UNC5D: variants seen among roughly 807,000 people sequenced by gnomAD.
UNC5D encodes the protein unc-5 netrin receptor D.
Under a neutral mutation model 105.4 loss-of-function variants are expected in UNC5D, and 39 were observed. The observed-to-expected ratio is 0.37, with a 90% CI of 0.29 to 0.48. The LOEUF is 0.48. Ranked by LOEUF, UNC5D falls within the 20% of genes least tolerant of loss-of-function variation. The pLI is 0.98. For missense variants in UNC5D, 991 were observed against 1,202.4 expected (o/e 0.82, Z 2.60); for synonymous variants, 452 against 450.4 (o/e 1.00, Z -0.04).
intron 11 of UNC5D, among the ~76,000 whole-genome samples, chr8:35,740,118 C>A (rs1478168480): frequency 6.6e-6 from 1 of 152,152 alleles, no homozygotes; most frequent in Non-Finnish European, 1.5e-5. Context: ...CAGGAGACAG[C>A]CCCAGGGGGA....
At chr8:35,354,276 C>A (rs376272287) in intron 1 of UNC5D, among the ~76,000 whole-genome samples, 7 of 152,080 alleles carry the variant, frequency 4.6e-5, no homozygotes, top group African/African-American at 1.2e-4. Context: ...CCCCCCCTCT[C>A]TTGCTTTGTT....
At chr8:35,774,624 G>A (rs2131741389) in intron 16 of UNC5D, 147 bp downstream of exon 16, 1 of 1,128,386 alleles carries the variant, frequency 8.9e-7, no homozygotes, top group Admixed American at 2.6e-5. Flanking sequence ...CTAAGTAAGT[G>A]GGGAAAGAGC....
At chr8:35,580,469 C>A (rs181659562) in intron 3 of UNC5D, among the ~76,000 whole-genome samples, 1 of 151,596 alleles carries the variant, frequency 6.6e-6, no homozygotes, top group Admixed American at 6.6e-5. Flanking sequence ...AACAAAAAAA[C>A]AACCAGCAGA....
intron 4 of UNC5D, among the ~76,000 whole-genome samples, chr8:35,678,357 A>C (rs1825414815): frequency 6.6e-6 from 1 of 152,178 alleles, no homozygotes; most frequent in Non-Finnish European, 1.5e-5. Context: ...GTTTCAGATA[A>C]GCTTTGAATT....
chr8:35,546,723 T>C (rs948676093), intron 1 of UNC5D, among the ~76,000 whole-genome samples: 3 of 152,186 alleles, frequency 2.0e-5, no homozygotes, highest in African/African-American at 7.2e-5. Flanking sequence ...AAGATAGAAA[T>C]TGGTATAAGC....
At chr8:35,355,494 C>T (rs1040926348) in intron 1 of UNC5D, among the ~76,000 whole-genome samples, 10 of 152,082 alleles carry the variant, frequency 6.6e-5, no homozygotes, top group African/African-American at 2.4e-4. Context: ...ATCCTTTCTT[C>T]CATAGAAGCC....
intron 1 of UNC5D, among the ~76,000 whole-genome samples, chr8:35,537,176 C>T (rs994870495): frequency 5.1e-4 from 77 of 151,988 alleles, no homozygotes; most frequent in Non-Finnish European, 1.6e-4. Context: ...TATGAATAAA[C>T]AATTCAGAAG....
At chr8:35,700,952 A>G (rs548457143) in intron 7 of UNC5D, among the ~76,000 whole-genome samples, 1 of 152,362 alleles carries the variant, frequency 6.6e-6, no homozygotes, top group South Asian at 2.1e-4. Context: ...AAATCATTTA[A>G]GAGTACAAAG....
chr8:35,544,927 A>G (rs1355789595), intron 1 of UNC5D, among the ~76,000 whole-genome samples: 1 of 152,136 alleles, frequency 6.6e-6, no homozygotes, highest in Non-Finnish European at 1.5e-5. Context: ...TATCAGGCAG[A>G]TACAAGCTTT....
intron 1 of UNC5D, among the ~76,000 whole-genome samples, chr8:35,452,612 A>G (rs1207252916): frequency 2.0e-5 from 3 of 152,154 alleles, no homozygotes; most frequent in Non-Finnish European, 4.4e-5. Flanking sequence ...CATGCATGAT[A>G]GTATCCTAGT....
At chr8:35,249,201 T>C (rs1270074221) in intron 1 of UNC5D, among the ~76,000 whole-genome samples, 1 of 144,484 alleles carries the variant, frequency 6.9e-6, no homozygotes, top group African/African-American at 2.6e-5. Context: ...GGCAGTAATA[T>C]GTCCATGATA....
intron 1 of UNC5D, among the ~76,000 whole-genome samples, chr8:35,277,134 C>T (rs1025408574): frequency 6.6e-6 from 1 of 152,174 alleles, no homozygotes; most frequent in Non-Finnish European, 1.5e-5. Context: ...GGCCTTCCCC[C>T]GTAACCGGTT....
At chr8:35,659,032 G>C (rs1372122851) in intron 4 of UNC5D, among the ~76,000 whole-genome samples, 2 of 152,140 alleles carry the variant, frequency 1.3e-5, no homozygotes, top group Non-Finnish European at 2.9e-5. Context: ...AGTGGAAGTT[G>C]GATACATCAG....
intron 8 of UNC5D, among the ~76,000 whole-genome samples, chr8:35,718,379 G>A (rs894811517): frequency 2.0e-5 from 3 of 152,208 alleles, no homozygotes; most frequent in Non-Finnish European, 4.4e-5. Context: ...GTACTTGAGA[G>A]ACCGGATAGG....
chr8:35,688,810 A>G (rs972082615), intron 7 of UNC5D, among the ~76,000 whole-genome samples: 9 of 152,260 alleles, frequency 5.9e-5, no homozygotes. Flanking sequence ...GAACACTTAG[A>G]AAACTACACA....
intron 3 of UNC5D, among the ~76,000 whole-genome samples, chr8:35,584,443 C>G (rs1818655074): frequency 6.6e-6 from 1 of 152,024 alleles, no homozygotes; most frequent in South Asian, 2.1e-4. Context: ...GAGACAGAAT[C>G]TCACTCCATC....
At position 35,792,917 on chromosome 8, in the gene UNC5D, A is replaced by G. The variant is rs759969715; in HGVS notation, c.*2354A>G. The G allele has an allele frequency of 7.2e-6, 3 of 419,564 alleles. No individual in the cohort carries two copies. Among genetic ancestry groups the G allele is most frequent in the Non-Finnish European group, 1.4e-5 (3 of 216,662 alleles). The allele number at this position is 419,564 out of a possible 1,614,324, so 26.0% of individuals were successfully genotyped here. A position where few individuals can be genotyped will look rare whatever the true frequency, so the allele number is the denominator to read the frequency against. ...TCAAATCTATCTAGATTATTTTAAG[A>G]TGAGACAAGATTATTGTCAATCCCT... On this transcript the variant is annotated 3_prime_UTR_variant, in exon 17 of 17. Transcript: ENST00000404895.
intron 1 of UNC5D, among the ~76,000 whole-genome samples, chr8:35,321,711 A>G (rs1440259587): frequency 6.6e-6 from 1 of 152,172 alleles, no homozygotes; most frequent in African/African-American, 2.4e-5. Context: ...CATGCTGAAA[A>G]CAGGACAAAC....
intron 1 of UNC5D, chr8:35,525,640 T>C (rs1160669492): frequency 8.6e-5 from 138 of 1,613,326 alleles, no homozygotes; most frequent in Non-Finnish European, 9.3e-6. Context: ...GAGGGACATT[T>C]TAAAGCCAGC....
Sources: gnomAD v4.1 joint callset for allele counts (sites outside exome capture counted in the v4.1 genomes callset) on GRCh38, gnomAD v4.1.1 for gene constraint, MANE v1.5 for transcripts, NCBI Gene and HGNC (gene_info 2026-07-23, HGNC 2026-07-21) for gene names.